The following PCDHA6 variants were observed in gnomAD, a reference collection of about 807,000 sequenced individuals.
The protein encoded by PCDHA6 is protocadherin alpha 6.
Under a neutral mutation model 60.3 loss-of-function variants are expected in PCDHA6, and 55 were observed. That is an observed-to-expected ratio of 0.91 (90% CI 0.73 to 1.14). The LOEUF (loss-of-function observed/expected upper bound fraction) is 1.14, where lower values mean the gene tolerates loss of function less well. Ranked by LOEUF, PCDHA6 falls within the 50% of genes most tolerant of loss-of-function variation. The pLI is 0.00. For synonymous variants in PCDHA6, 652 were observed against 557.9 expected, an observed-to-expected ratio of 1.17 and a Z score of -2.38; for missense variants, 1,327 against 1,256.5, an observed-to-expected ratio of 1.06 and a Z score of -0.85.
At chr5:140,900,100 A>G (rs1453942019) in intron 1 of PCDHA6, among the ~76,000 whole-genome samples, 1 of 152,162 alleles carries the variant, frequency 6.6e-6, no homozygotes, top group African/African-American at 2.4e-5. Flanking sequence ...ATGCGCCACC[A>G]TACCTGGCCT....
intron 1 of PCDHA6, chr5:140,850,636 C>G (rs782210334): frequency 1.9e-6 from 3 of 1,598,538 alleles, no homozygotes; most frequent in Non-Finnish European, 2.6e-6. Context: ...TTGGTTCTCA[C>G]GCTGCTGCTG....
At chr5:140,967,141 G>T in intron 1 of PCDHA6, 2 of 1,611,258 alleles carry the variant, frequency 1.2e-6, no homozygotes, top group South Asian at 1.1e-5. Flanking sequence ...AAGTGCTGGC[G>T]CACAACCCCG....
At chr5:140,899,704 T>C (rs2067500536) in intron 1 of PCDHA6, among the ~76,000 whole-genome samples, 1 of 152,242 alleles carries the variant, frequency 6.6e-6, no homozygotes, top group Non-Finnish European at 1.5e-5. Context: ...TAAAATGAGT[T>C]AGGGAGGATT....
intron 1 of PCDHA6, among the ~76,000 whole-genome samples, chr5:140,972,660 A>ATT (rs11350929): frequency 4.2e-4 from 49 of 117,232 alleles, no homozygotes; most frequent in Non-Finnish European, 5.7e-4. Context: ...AAGAAACCAA[A>ATT]TTTTTTTTTT....
chr5:141,011,435 T>C lies in PCDHA6; in HGVS notation c.*1498T>C, dbSNP rs781837801. ...TGTGAATGTTAATGCAACTATTACC[T>C]AGAGTGAACTTTAAGCTTTATTGTT... On this transcript the variant is annotated 3_prime_UTR_variant, in exon 4 of 4. Coordinates refer to ENST00000529310, the MANE Select transcript of PCDHA6 (RefSeq NM_018909.4). 3 of 153,818 alleles carry C rather than the reference T, an allele frequency of 2.0e-5. No individual in the cohort carries two copies. The highest frequency in any genetic ancestry group is 4.4e-5 in the Non-Finnish European group (3 of 68,050). The allele number at this position is 153,818 out of a possible 1,614,324, so 9.5% of individuals were successfully genotyped here.
At chr5:140,906,540 A>T (rs1375015616) in intron 1 of PCDHA6, among the ~76,000 whole-genome samples, 4 of 152,232 alleles carry the variant, frequency 2.6e-5, no homozygotes, top group African/African-American at 9.6e-5. Context: ...TAAAATCCTC[A>T]TTTCTGCAAC....
chr5:140,927,666 G>C, intron 1 of PCDHA6: 1 of 1,614,180 alleles, frequency 6.2e-7, no homozygotes, highest in Non-Finnish European at 8.5e-7. Context: ...TTCAAGCCTT[G>C]GATCCAGATG....
At chr5:140,910,837 A>G (rs1217601068) in intron 1 of PCDHA6, among the ~76,000 whole-genome samples, 1 of 152,188 alleles carries the variant, frequency 6.6e-6, no homozygotes, top group Non-Finnish European at 1.5e-5. Context: ...GCCTGATCCA[A>G]TGCCTTGGAT....
intron 3 of PCDHA6, among the ~76,000 whole-genome samples, chr5:140,996,253 A>C (rs2153938437): frequency 6.6e-6 from 1 of 152,370 alleles, no homozygotes; most frequent in African/African-American, 2.4e-5. Flanking sequence ...AAGTGACAGC[A>C]ACACAGAGCC....
At chr5:140,884,541 T>C (rs782267123) in intron 1 of PCDHA6, 17 of 1,613,862 alleles carry the variant, frequency 1.1e-5, no homozygotes, top group Non-Finnish European at 1.4e-5. Flanking sequence ...CGGCCGAGGG[T>C]GTGCTCTGGG....
intron 1 of PCDHA6, chr5:140,883,245 G>C: frequency 6.2e-7 from 1 of 1,614,016 alleles, no homozygotes; most frequent in South Asian, 1.1e-5. Context: ...GTTGACAAAG[G>C]AAATATTCCA....
At chr5:140,857,178 A>T (rs782349051) in intron 1 of PCDHA6, 2 of 1,598,472 alleles carry the variant, frequency 1.3e-6, no homozygotes, top group African/African-American at 2.7e-5. Flanking sequence ...TCTGACCATG[A>T]TTCAGGAGCC....
chr5:140,845,796 C>A (rs1780039234), intron 1 of PCDHA6, among the ~76,000 whole-genome samples: 1 of 149,428 alleles, frequency 6.7e-6, no homozygotes, highest in African/African-American at 2.5e-5. Flanking sequence ...TAAACTCTGG[C>A]AAGTGATAGG....
At chr5:140,949,453 A>T (rs1284957540) in intron 1 of PCDHA6, among the ~76,000 whole-genome samples, 4 of 151,762 alleles carry the variant, frequency 2.6e-5, no homozygotes, top group African/African-American at 9.7e-5. Flanking sequence ...TGCTTCATGT[A>T]ATTTGAAGCC....
intron 1 of PCDHA6, chr5:140,847,643 G>C (rs1219551940): frequency 6.7e-6 from 1 of 149,570 alleles, no homozygotes; most frequent in East Asian, 1.9e-4. Context: ...CTACAAAGAA[G>C]AGATTATTCA....
chr5:140,897,255 C>A (rs890766563), intron 1 of PCDHA6, among the ~76,000 whole-genome samples: 2 of 151,828 alleles, frequency 1.3e-5, no homozygotes, highest in Admixed American at 1.3e-4. Flanking sequence ...CATATGTATA[C>A]ATGTGCCATG....
rs183715022 is a variant in PCDHA6 at position 140,950,136 on chromosome 5, A to G, written c.2395-28813A>G. Among the ~76,000 whole-genome samples, 19 of 152,068 alleles carry G rather than the reference A, an allele frequency of 1.2e-4. No individual in the cohort carries two copies. The East Asian group carries it at 3.7e-3, about 29-fold the overall frequency. ...AATACAAAACCCACAAGACACAGTT[A>G]TAATTTTTGTTTAAGCAGTTATTAT... On this transcript the variant is annotated intron_variant, in intron 1 of 3. Transcript: ENST00000529310.
chr5:140,839,264 A>G (rs1213155115), intron 1 of PCDHA6, among the ~76,000 whole-genome samples: 2 of 152,102 alleles, frequency 1.3e-5, no homozygotes, highest in African/African-American at 4.8e-5. Context: ...ACATGCATGT[A>G]TATTTAAAAC....
At chr5:140,942,364 A>AT (rs1401660324) in intron 1 of PCDHA6, among the ~76,000 whole-genome samples, 1 of 152,040 alleles carries the variant, frequency 6.6e-6, no homozygotes, top group Non-Finnish European at 1.5e-5. Context: ...GTTAACGGAG[A>AT]TTGCACCACT....
Sources: gnomAD v4.1 joint callset for allele counts (sites outside exome capture counted in the v4.1 genomes callset) on GRCh38, gnomAD v4.1.1 for gene constraint, MANE v1.5 for transcripts, NCBI Gene and HGNC (gene_info 2026-07-23, HGNC 2026-07-21) for gene names.